ABCB5: variants seen among roughly 807,000 people sequenced by gnomAD.
The protein encoded by ABCB5 is ATP-binding cassette sub-family B member 5.
A neutral mutation model predicts 144.2 loss-of-function variants in ABCB5; 155 were observed. That is an observed-to-expected ratio of 1.08 (90% CI 0.94 to 1.23). The LOEUF is 1.23. Among genes scored for constraint, ABCB5 ranks in the 50% most tolerant of loss-of-function variants. The probability of loss-of-function intolerance (pLI) is 0.00; values close to 1 mark genes in which losing one functional copy is unlikely to be tolerated. For missense variants in ABCB5, 1,830 were observed against 1,520.8 expected (o/e 1.20, Z -3.38); for synonymous variants, 610 against 528.6 (o/e 1.15, Z -2.11).
intron 9 of ABCB5, among the ~76,000 whole-genome samples, chr7:20,646,741 C>T (rs538682736): frequency 6.6e-6 from 1 of 152,252 alleles, no homozygotes; most frequent in East Asian, 1.9e-4. Context: ...CTTGAGGAAC[C>T]AAAATGATCT....
intron 5 of ABCB5, among the ~76,000 whole-genome samples, chr7:20,639,460 C>CA (rs1199331727): frequency 1.3e-5 from 2 of 152,136 alleles, no homozygotes; most frequent in Non-Finnish European, 2.9e-5. Flanking sequence ...TTTTCCTGTT[C>CA]AAATTGCAAT....
Position 20,728,421 on chromosome 7 carries a change from C to G in ABCB5, c.2833C>G (p.Gln945Glu), listed in dbSNP as rs1433799150. 1 of 1,613,990 alleles carries G rather than the reference C, an allele frequency of 6.2e-7. No individual in the cohort carries two copies. Among genetic ancestry groups the G allele is most frequent in the Non-Finnish European group, 8.5e-7 (1 of 1,180,010 alleles). ...AGFRFGAYLI[Q>E]AGRMTPEGMF... ...GTTTCGATTTGGAGCCTATTTAATT[C>G]AAGCTGGACGAATGACCCCAGAGGG... is the stretch of plus-strand genomic sequence containing the variant. Residue 945 changes from glutamine (Q) to glutamate (E), a missense_variant, in exon 23 of 28, where the codon CAA becomes GAA. Coordinates refer to ENST00000404938, the MANE Select transcript of ABCB5 (RefSeq NM_001163941.2).
intron 9 of ABCB5, 115 bp downstream of exon 9, chr7:20,646,253 T>C: frequency 1.9e-6 from 2 of 1,038,674 alleles, no homozygotes; most frequent in Non-Finnish European, 1.4e-6. Flanking sequence ...ATTAAACAAA[T>C]ATTTGTTTCC....
intron 1 of ABCB5, among the ~76,000 whole-genome samples, chr7:20,622,872 T>G (rs1289254330): frequency 6.6e-6 from 1 of 152,108 alleles, no homozygotes; most frequent in African/African-American, 2.4e-5. Flanking sequence ...AACTACTGCA[T>G]CAGTTTTTTA....
At chr7:20,658,288 C>G (rs1784877284) in intron 13 of ABCB5, among the ~76,000 whole-genome samples, 1 of 149,802 alleles carries the variant, frequency 6.7e-6, no homozygotes, top group South Asian at 2.1e-4. Context: ...TTATTTTAGT[C>G]CTAGCCAAAT....
chr7:20,703,301 T>C (rs1350085215), intron 19 of ABCB5, among the ~76,000 whole-genome samples: 1 of 152,182 alleles, frequency 6.6e-6, no homozygotes, highest in East Asian at 1.9e-4. Flanking sequence ...GTGTTTATTA[T>C]TGTTGCTGCT....
chr7:20,702,319 G>C (rs927297989), intron 19 of ABCB5, among the ~76,000 whole-genome samples: 1 of 152,172 alleles, frequency 6.6e-6, no homozygotes, highest in East Asian at 1.9e-4. Flanking sequence ...ATTGGCTAAG[G>C]CTTCTTGGGG....
At position 20,676,743 on chromosome 7, in the gene ABCB5, A is replaced by T. The variant is rs139174936; in HGVS notation, c.1708-4762A>T. On this transcript the variant is annotated intron_variant, in intron 14 of 27. Coordinates refer to ENST00000404938, the MANE Select transcript of ABCB5 (RefSeq NM_001163941.2). ...TTAAAATTTTAAGAGGATAGATCTCATGTGAAGTGTTCTTACCACAAAAAA... is the reference window on the plus strand; with the variant it reads ...TTAAAATTTTAAGAGGATAGATCTCTTGTGAAGTGTTCTTACCACAAAAAA... Among the ~76,000 whole-genome samples, 245 of 152,334 alleles carry T rather than the reference A, an allele frequency of 1.6e-3. 1 individual carries two copies. The highest frequency in any genetic ancestry group is 5.7e-3 in the African/African-American group (238 of 41,582).
chr7:20,680,896 C>T (rs948449603), intron 14 of ABCB5, among the ~76,000 whole-genome samples: 6 of 151,954 alleles, frequency 3.9e-5, no homozygotes, highest in African/African-American at 1.5e-4. Flanking sequence ...TTTCTCTGCC[C>T]AAGGATAAGA....
intron 14 of ABCB5, chr7:20,667,386 G>C: frequency 1.0e-6 from 1 of 985,490 alleles, no homozygotes; most frequent in South Asian, 4.7e-5. Context: ...CCTGTATCAG[G>C]AAACCCTGTG....
chr7:20,642,063 G>A (rs1784307161), intron 5 of ABCB5: 1 of 152,160 alleles, frequency 6.6e-6, no homozygotes, highest in African/African-American at 2.4e-5. Flanking sequence ...AGAACTTCCT[G>A]CTTCCATTAT....
chr7:20,754,645 C>A lies in ABCB5; in HGVS notation c.3577-782C>A, dbSNP rs143242916. On this transcript the variant is annotated intron_variant, in intron 27 of 27. Transcript: ENST00000404938. ...TTCTACAGCTAAATCCTACCAAAAACAAAACAAAATCTATGAGAGAAAATT... is the reference window on the plus strand; with the variant it reads ...TTCTACAGCTAAATCCTACCAAAAAAAAAACAAAATCTATGAGAGAAAATT... Among the ~76,000 whole-genome samples the A allele has an allele frequency of 1.6e-4, 25 of 152,138 alleles. No individual in the cohort carries two copies. In the East Asian group the frequency reaches 3.3e-3, roughly 20 times the overall value.
chr7:20,719,407 C>A (rs562690302), intron 20 of ABCB5, among the ~76,000 whole-genome samples: 1 of 152,160 alleles, frequency 6.6e-6, no homozygotes, highest in Non-Finnish European at 1.5e-5. Flanking sequence ...ACTATGACTC[C>A]TTTTCTATCT....
At chr7:20,738,935 T>C (rs1448914728) in intron 23 of ABCB5, 48 bp from the exon 24 acceptor site, 9 of 1,522,230 alleles carry the variant, frequency 5.9e-6, no homozygotes, top group Non-Finnish European at 7.9e-6. Context: ...TCTACTGTTT[T>C]ACAAAGGATC....
At chr7:20,645,069 A>T (rs1161045107) in intron 7 of ABCB5, among the ~76,000 whole-genome samples, 2 of 152,210 alleles carry the variant, frequency 1.3e-5, no homozygotes, top group African/African-American at 4.8e-5. Flanking sequence ...TTCATTGATC[A>T]TGGAGAGGAA....
rs6947067 is a variant in ABCB5 at position 20,626,711 on chromosome 7, T to G, written c.108+100T>G. On this transcript the variant is annotated intron_variant, in intron 3 of 27. Transcript: ENST00000404938. ...TTTATTAGATTGCATCCACTATTTGTGGGAAAGAGGGAACTAAAATAATTC... is the reference window on the plus strand; with the variant it reads ...TTTATTAGATTGCATCCACTATTTGGGGGAAAGAGGGAACTAAAATAATTC... 7.2e-3 allele frequency: 6,553 copies of G among 905,870 alleles called. 220 individuals carry two copies. In the African/African-American group the frequency reaches 0.074, roughly 10 times the overall value. The allele number at this position is 905,870 out of a possible 1,614,324, so 56.1% of individuals were successfully genotyped here.
chr7:20,648,200 A>G (rs1192066161), intron 11 of ABCB5, 122 bp downstream of exon 11: 1 of 632,998 alleles, frequency 1.6e-6, no homozygotes, highest in Non-Finnish European at 2.8e-6. Flanking sequence ...CTTTGCTTAG[A>G]GACTTGAGGA....
At chr7:20,651,644 G>T in intron 13 of ABCB5, 21 bp downstream of exon 13, 1 of 1,612,436 alleles carries the variant, frequency 6.2e-7, no homozygotes, top group Non-Finnish European at 8.5e-7. Flanking sequence ...TGTGCAGCCT[G>T]TGTCCTTAGC....
chr7:20,711,794 T>TTCTCTCTCTCTC (rs1787055048), intron 20 of ABCB5, among the ~76,000 whole-genome samples: 1 of 85,678 alleles, frequency 1.2e-5, no homozygotes, highest in African/African-American at 5.5e-5. Flanking sequence ...CTTTCTTTCT[T>TTCTCTCTCTCTC]TCTTTCTTTC....
Sources: allele counts gnomAD v4.1 joint callset (sites outside exome capture counted in the v4.1 genomes callset), GRCh38; gene constraint gnomAD v4.1.1; transcripts MANE v1.5; gene names NCBI Gene and HGNC (gene_info 2026-07-23, HGNC 2026-07-21).